BMPR1B: variants seen among roughly 807,000 people sequenced by gnomAD.
BMPR1B encodes the protein bone morphogenetic protein receptor type-1B.
In BMPR1B, 12 loss-of-function variants were observed where a neutral mutation model predicts 59.1. The ratio of observed to expected loss-of-function variants is 0.20; its 90% CI spans 0.13 to 0.33. BMPR1B has a LOEUF of 0.33. Among genes scored for constraint, BMPR1B ranks in the 10% least tolerant of loss-of-function variants. BMPR1B has a pLI of 1.00. For synonymous variants in BMPR1B, 237 were observed against 207.3 expected (o/e 1.14, Z -1.23); for missense variants, 550 against 610.9 (o/e 0.90, Z 1.05).
At chr4:95,027,776 C>G (rs566263760) in intron 3 of BMPR1B, among the ~76,000 whole-genome samples, 2 of 152,220 alleles carry the variant, frequency 1.3e-5, no homozygotes, top group African/African-American at 4.8e-5. Flanking sequence ...CTTTTATATG[C>G]ATATACACAT....
At chr4:94,774,920 A>C (rs1722315382) in intron 1 of BMPR1B, among the ~76,000 whole-genome samples, 1 of 152,210 alleles carries the variant, frequency 6.6e-6, no homozygotes, top group African/African-American at 2.4e-5. Flanking sequence ...AATGGCGGAA[A>C]TTTTCATTTT....
intron 1 of BMPR1B, among the ~76,000 whole-genome samples, chr4:94,874,424 C>T (rs1362398372): frequency 4.6e-5 from 7 of 152,130 alleles, no homozygotes; most frequent in Non-Finnish European, 8.8e-5. Flanking sequence ...ATACTGCTCT[C>T]AGTCTTCTCC....
At position 94,758,683 on chromosome 4, in the gene BMPR1B, T is replaced by C. The variant is rs886933503; in HGVS notation, c.-183+615T>C. ...GTCTCTGCTTCAGTTGCCTGTCTCT[T>C]CTCCTCTCTCTCCTGCTTCTCTCTC... On this transcript the variant is annotated intron_variant, in intron 1 of 12. Transcript: ENST00000515059. Among the ~76,000 whole-genome samples, 10 of 152,008 alleles carry C rather than the reference T, an allele frequency of 6.6e-5. No individual in the cohort carries two copies. The East Asian group carries it at 7.7e-4, about 12-fold the overall frequency.
intron 2 of BMPR1B, among the ~76,000 whole-genome samples, chr4:94,902,741 T>C (rs1210270522): frequency 3.9e-5 from 6 of 152,038 alleles, no homozygotes; most frequent in Non-Finnish European, 8.8e-5. Flanking sequence ...TAAAATTAAC[T>C]TACTATTTTG....
intron 3 of BMPR1B, among the ~76,000 whole-genome samples, chr4:95,029,992 G>A (rs1402969323): frequency 4.6e-5 from 7 of 151,706 alleles, no homozygotes; most frequent in Admixed American, 1.3e-4. Flanking sequence ...ATTTGTTTGA[G>A]TTCATTGTAG....
chr4:94,862,076 C>A (rs572630675), intron 1 of BMPR1B, among the ~76,000 whole-genome samples: 1 of 151,528 alleles, frequency 6.6e-6, no homozygotes, highest in South Asian at 2.1e-4. Flanking sequence ...TCAACCAACA[C>A]CTAATCTTGA....
At chr4:94,815,162 C>T (rs1460459225) in intron 1 of BMPR1B, among the ~76,000 whole-genome samples, 2 of 152,290 alleles carry the variant, frequency 1.3e-5, no homozygotes, top group East Asian at 3.9e-4. Flanking sequence ...GCCTCGGCCT[C>T]CCAGTGTGCT....
At chr4:95,040,311 T>C (rs1283381045) in intron 3 of BMPR1B, among the ~76,000 whole-genome samples, 6 of 152,246 alleles carry the variant, frequency 3.9e-5, no homozygotes, top group Non-Finnish European at 5.9e-5. Context: ...AGTGATACTT[T>C]AAATCCTTTT....
chr4:94,883,539 T>C (rs1451315644), intron 2 of BMPR1B, among the ~76,000 whole-genome samples: 2 of 152,036 alleles, frequency 1.3e-5, no homozygotes, highest in Non-Finnish European at 2.9e-5. Context: ...TGTAAAAAAA[T>C]CAAGCAGCTC....
intron 1 of BMPR1B, among the ~76,000 whole-genome samples, chr4:94,786,714 A>AT (rs35776922): frequency 0.015 from 2,222 of 146,390 alleles, 17 homozygotes; most frequent in Non-Finnish European, 0.018. Context: ...AATTTTTTGT[A>AT]TTTTTTTTTT....
chr4:94,980,825 C>T (rs1578877349), intron 2 of BMPR1B, among the ~76,000 whole-genome samples: 1 of 152,098 alleles, frequency 6.6e-6, no homozygotes, highest in South Asian at 2.1e-4. Flanking sequence ...GTACTTAATA[C>T]AAGTTGAGAA....
intron 3 of BMPR1B, among the ~76,000 whole-genome samples, chr4:95,084,318 C>CGT (rs201153803): frequency 6.6e-6 from 1 of 150,544 alleles, no homozygotes; most frequent in East Asian, 1.9e-4. Flanking sequence ...TATATTTATA[C>CGT]GTGTGTGTGT....
chr4:94,842,324 C>G (rs531544372), intron 1 of BMPR1B, among the ~76,000 whole-genome samples: 2 of 152,044 alleles, frequency 1.3e-5, no homozygotes, highest in African/African-American at 4.8e-5. Context: ...TCTTAACGTA[C>G]TGGAGTTTTT....
At chr4:95,057,636 C>G (rs1167536204) in intron 3 of BMPR1B, among the ~76,000 whole-genome samples, 1 of 151,990 alleles carries the variant, frequency 6.6e-6, no homozygotes, top group East Asian at 2.0e-4. Context: ...AAACCCTTTT[C>G]TAGAAAAACT....
chr4:95,154,485 G>T, intron 12 of BMPR1B, 63 bp from the exon 13 acceptor site: 1 of 1,608,100 alleles, frequency 6.2e-7, no homozygotes, highest in Middle Eastern at 1.7e-4. Flanking sequence ...AAACTAAAAA[G>T]CTACATTGTA....
chr4:95,107,239 C>G (rs1470720194), intron 4 of BMPR1B, among the ~76,000 whole-genome samples: 1 of 151,928 alleles, frequency 6.6e-6, no homozygotes, highest in Non-Finnish European at 1.5e-5. Context: ...GTCACTGAAG[C>G]CAGGTTTACT....
intron 1 of BMPR1B, among the ~76,000 whole-genome samples, chr4:94,767,673 G>T (rs1722020845): frequency 6.6e-6 from 1 of 152,028 alleles, no homozygotes; most frequent in African/African-American, 2.4e-5. Context: ...GGTAACCTAG[G>T]AGCTATTTCT....
At chr4:94,776,669 A>C (rs569884714) in intron 1 of BMPR1B, among the ~76,000 whole-genome samples, 72 of 152,328 alleles carry the variant, frequency 4.7e-4, no homozygotes, top group Admixed American at 2.1e-3. Flanking sequence ...TTTTCTATTA[A>C]ACTGTGCTTA....
At chr4:95,065,031 G>A (rs186857089) in intron 3 of BMPR1B, among the ~76,000 whole-genome samples, 13 of 152,194 alleles carry the variant, frequency 8.5e-5, no homozygotes, top group African/African-American at 1.4e-4. Flanking sequence ...GGTATATACC[G>A]AAGAGAGATG....
Sources: gnomAD v4.1 joint callset for allele counts (sites outside exome capture counted in the v4.1 genomes callset) on GRCh38, gnomAD v4.1.1 for gene constraint, MANE v1.5 for transcripts, NCBI Gene and HGNC (gene_info 2026-07-23, HGNC 2026-07-21) for gene names.